The following LNPK variants were observed in gnomAD, a reference collection of about 807,000 sequenced individuals.
The protein encoded by LNPK is lunapark, ER junction formation factor, also known as endoplasmic reticulum junction formation protein lunapark.
In LNPK, 29 loss-of-function variants were observed where a neutral mutation model predicts 55.2. That is an observed-to-expected ratio of 0.53 (90% CI 0.39 to 0.72). The LOEUF is 0.72. Among genes scored for constraint, LNPK ranks in the 30% least tolerant of loss-of-function variants. LNPK has a pLI of 0.00. For synonymous variants in LNPK, 162 were observed against 168.2 expected (o/e 0.96, Z 0.29); for missense variants, 467 against 494.8 (o/e 0.94, Z 0.53).
intron 5 of LNPK, among the ~76,000 whole-genome samples, chr2:175,974,230 T>C (rs1467190941): frequency 6.6e-6 from 1 of 152,222 alleles, no homozygotes; most frequent in East Asian, 1.9e-4. Context: ...CACATTCCAT[T>C]ATGTACTAAA....
chr2:175,956,688 T>C (rs1015321339), intron 8 of LNPK, among the ~76,000 whole-genome samples: 1 of 152,216 alleles, frequency 6.6e-6, no homozygotes, highest in Non-Finnish European at 1.5e-5. Flanking sequence ...TGTGGATTCC[T>C]GTATTAATAC....
At chr2:175,939,515 T>G in intron 10 of LNPK, 37 bp downstream of exon 10, 1 of 1,174,618 alleles carries the variant, frequency 8.5e-7, no homozygotes, top group East Asian at 2.3e-5. Context: ...ACATCCTGTT[T>G]TCATTTTCAT....
chr2:175,931,246 T>C (rs1317596008), intron 12 of LNPK, among the ~76,000 whole-genome samples: 3 of 152,180 alleles, frequency 2.0e-5, no homozygotes, highest in Non-Finnish European at 4.4e-5. Context: ...ATACTACAAA[T>C]GTTACTGATT....
At chr2:175,955,615 T>C (rs917166393) in intron 8 of LNPK, among the ~76,000 whole-genome samples, 1 of 152,308 alleles carries the variant, frequency 6.6e-6, no homozygotes, top group African/African-American at 2.4e-5. Flanking sequence ...TTAAGGTGAA[T>C]TTATTATTTT....
chr2:176,002,429 G>T (rs1688208625), upstream of LNPK: 4 of 333,992 alleles, frequency 1.2e-5, no homozygotes, highest in South Asian at 8.8e-5. Flanking sequence ...TGTGGCCTCC[G>T]CAGCCAGCTT....
At chr2:175,948,657 A>G (rs1685261055) in intron 8 of LNPK, among the ~76,000 whole-genome samples, 1 of 152,230 alleles carries the variant, frequency 6.6e-6, no homozygotes, top group Admixed American at 6.5e-5. Flanking sequence ...TTAAATTATC[A>G]CAAATCCTGA....
chr2:175,929,167 A>G lies in LNPK; in HGVS notation c.*800T>C. 2 of 974,128 alleles carry G rather than the reference A, an allele frequency of 2.1e-6. No homozygotes were observed. The highest frequency in any genetic ancestry group is 2.4e-6 in the Non-Finnish European group (2 of 819,252). 60.3% of individuals were successfully genotyped at this position (974,128 alleles called of 1,614,324 possible). On this transcript the variant is annotated 3_prime_UTR_variant, in exon 13 of 13. Transcript: ENST00000272748. The stretch of plus-strand genomic sequence containing the variant: ...TCCTTAATAAAATACAAACAAGAGC[A>G]CAAAATTCACTTATATATCATCATT...
At chr2:175,989,057 G>A (rs1269280160) in intron 4 of LNPK, among the ~76,000 whole-genome samples, 1 of 152,188 alleles carries the variant, frequency 6.6e-6, no homozygotes, top group African/African-American at 2.4e-5. Flanking sequence ...TTACAGGCGT[G>A]AGCCACCACG....
chr2:175,995,224 A>G (rs1687877997), intron 2 of LNPK, among the ~76,000 whole-genome samples: 1 of 152,104 alleles, frequency 6.6e-6, no homozygotes, highest in Non-Finnish European at 1.5e-5. Context: ...CCGGCCTAGA[A>G]TACTTACTTT....
intron 9 of LNPK, among the ~76,000 whole-genome samples, chr2:175,944,620 A>C (rs1008600692): frequency 2.0e-5 from 3 of 152,168 alleles, no homozygotes; most frequent in African/African-American, 7.2e-5. Flanking sequence ...GGAGGTTTAC[A>C]TGGAGACTTC....
chr2:175,982,864 C>T (rs1687239299), intron 4 of LNPK, among the ~76,000 whole-genome samples: 1 of 152,178 alleles, frequency 6.6e-6, no homozygotes. Flanking sequence ...TTACTAACCT[C>T]TAGTTAGAGA....
At chr2:175,968,511 T>C (rs1042652045) in intron 6 of LNPK, among the ~76,000 whole-genome samples, 1 of 152,328 alleles carries the variant, frequency 6.6e-6, no homozygotes. Context: ...GATTACTCAG[T>C]GATTATTAAA....
At chr2:175,962,885 G>C (rs1470418186) in intron 8 of LNPK, among the ~76,000 whole-genome samples, 4 of 150,788 alleles carry the variant, frequency 2.7e-5, no homozygotes, top group African/African-American at 9.8e-5. Context: ...CCATCAAAAA[G>C]TGGGCGAAGG....
intron 12 of LNPK, among the ~76,000 whole-genome samples, chr2:175,934,222 C>T (rs570496194): frequency 2.6e-5 from 4 of 152,204 alleles, no homozygotes; most frequent in African/African-American, 4.8e-5. Flanking sequence ...CTGGTAAATA[C>T]ATGGAATACA....
chr2:175,955,542 T>C (rs2105592174), intron 8 of LNPK, among the ~76,000 whole-genome samples: 1 of 152,310 alleles, frequency 6.6e-6, no homozygotes, highest in Non-Finnish European at 1.5e-5. Context: ...TACTAAACAA[T>C]TGTAACAGTA....
chr2:175,999,519 G>C lies in LNPK; in HGVS notation c.-63+2641C>G, dbSNP rs562170401. Among the ~76,000 whole-genome samples the C allele has an allele frequency of 3.9e-5, 6 of 152,288 alleles. No homozygotes were observed. In the South Asian group the frequency reaches 1.2e-3, roughly 32 times the overall value. On this transcript the variant is annotated intron_variant, in intron 1 of 12. Coordinates refer to ENST00000272748, the MANE Select transcript of LNPK (RefSeq NM_030650.3). ...AACTGTTTTTACTGCTGTAGTTGTAGCTATTTTCTAATCCATCTCTCCTTT... is the reference window on the plus strand; with the variant it reads ...AACTGTTTTTACTGCTGTAGTTGTACCTATTTTCTAATCCATCTCTCCTTT...
intron 8 of LNPK, among the ~76,000 whole-genome samples, chr2:175,961,533 G>A (rs1453952248): frequency 1.3e-5 from 2 of 152,124 alleles, no homozygotes; most frequent in Non-Finnish European, 2.9e-5. Flanking sequence ...CAATAAACTA[G>A]GTATTGATGG....
chr2:175,968,886 T>C (rs1686510064), intron 6 of LNPK, among the ~76,000 whole-genome samples: 1 of 151,934 alleles, frequency 6.6e-6, no homozygotes, highest in Non-Finnish European at 1.5e-5. Flanking sequence ...GGTGTGGTGG[T>C]GCATGCCTGT....
At chr2:175,964,718 A>G in intron 6 of LNPK, 129 bp from the exon 7 acceptor site, 1 of 620,314 alleles carries the variant, frequency 1.6e-6, no homozygotes, top group East Asian at 2.7e-5. Context: ...CTACATTCGA[A>G]TAATTAAAAT....
Sources: allele counts gnomAD v4.1 joint callset (sites outside exome capture counted in the v4.1 genomes callset), GRCh38; gene constraint gnomAD v4.1.1; transcripts MANE v1.5; gene names NCBI Gene and HGNC (gene_info 2026-07-23, HGNC 2026-07-21).